KAT2B: variants seen among roughly 807,000 people sequenced by gnomAD.
The protein encoded by KAT2B is histone acetyltransferase KAT2B.
Under a neutral mutation model 105.9 loss-of-function variants are expected in KAT2B, and 36 were observed. The observed-to-expected ratio is 0.34, with a 90% CI of 0.26 to 0.45. The LOEUF is 0.45. KAT2B is among the 20% of genes least tolerant of loss of function. The pLI is 1.00. For synonymous variants in KAT2B, 397 were observed against 377.9 expected (o/e 1.05, Z -0.59); for missense variants, 820 against 1,021.6 (o/e 0.80, Z 2.69).
At chr3:20,046,014 A>G (rs1282611624) in intron 1 of KAT2B, among the ~76,000 whole-genome samples, 1 of 152,236 alleles carries the variant, frequency 6.6e-6, no homozygotes, top group Non-Finnish European at 1.5e-5. Context: ...GGCACAGGTC[A>G]CTTAGTTTTT....
intron 6 of KAT2B, among the ~76,000 whole-genome samples, chr3:20,112,728 A>C (rs1319765141): frequency 6.6e-6 from 1 of 152,226 alleles, no homozygotes; most frequent in Non-Finnish European, 1.5e-5. Flanking sequence ...GCTGATGTAG[A>C]GAATAGAATT....
intron 1 of KAT2B, among the ~76,000 whole-genome samples, chr3:20,056,259 A>G (rs963238778): frequency 6.6e-6 from 1 of 152,200 alleles, no homozygotes; most frequent in Non-Finnish European, 1.5e-5. Context: ...GGTAGAGGCA[A>G]CAGGACTTAA....
At chr3:20,131,873 C>T (rs557516137) in intron 11 of KAT2B, among the ~76,000 whole-genome samples, 2 of 152,120 alleles carry the variant, frequency 1.3e-5, no homozygotes, top group African/African-American at 2.4e-5. Context: ...CATAAACAGA[C>T]GTTTTAAGTA....
In KAT2B at chr3:20,066,301, G is replaced by C. The variant is rs376331395; in HGVS notation, c.304-6032G>C. ...GAAAACGCCAGTCATTGGTTTTAGG[G>C]CTTAGGATAATTTCATCTGCATGTC... is the stretch of plus-strand genomic sequence containing the variant. On this transcript the variant is annotated intron_variant, in intron 1 of 17. Transcript: ENST00000263754. Among the ~76,000 whole-genome samples the C allele has an allele frequency of 3.4e-4, 52 of 152,208 alleles. No individual in the cohort carries two copies. The South Asian group carries it at 1.0e-2, about 29-fold the overall frequency.
chr3:20,104,363 C>G (rs61138004), intron 5 of KAT2B, among the ~76,000 whole-genome samples: 23,454 of 152,084 alleles, frequency 0.15, 2,187 homozygotes, highest in Middle Eastern at 0.22. Context: ...CACCAACCTC[C>G]CCCACGTCCC....
chr3:20,040,637 C>G lies in KAT2B; in HGVS notation c.160C>G (p.Pro54Ala), dbSNP rs1221366763. The G allele has an allele frequency of 7.1e-7, 1 of 1,400,382 alleles. No individual in the cohort carries two copies. 86.7% of individuals were successfully genotyped at this position (1,400,382 alleles called of 1,614,324 possible). ...CGCCGGGGGCTCGGGCGCCTGCGGTCCGGCGACGGCAGTGGCTGCAGCGGG... is the reference window on the plus strand; with the variant it reads ...CGCCGGGGGCTCGGGCGCCTGCGGTGCGGCGACGGCAGTGGCTGCAGCGGG... The part of the protein sequence containing the change: ...AAAGGSGACG[P>A]ATAVAAAGTA... Residue 54 changes from proline (P) to alanine (A), a missense_variant, in exon 1 of 18, where the codon CCG (proline) becomes GCG (alanine). Physicochemically the swap from Pro to Ala is conservative, Grantham distance 27 (BLOSUM62 -1). This residue lies in a region of KAT2B where 190 missense variants were observed against 176.7 expected (regional missense o/e 1.08). Coordinates refer to ENST00000263754, the MANE Select transcript of KAT2B (RefSeq NM_003884.5).
At chr3:20,099,793 AGAGAG>A in intron 3 of KAT2B, 64 bp from the exon 4 acceptor site, 1 of 752,122 alleles carries the variant, frequency 1.3e-6, no homozygotes, top group Non-Finnish European at 2.3e-6. Context: ...GAAACAGAAG[AGAGAG>A]GAGAGAGAGA....
chr3:20,051,821 T>A (rs1286519076), intron 1 of KAT2B, among the ~76,000 whole-genome samples: 1 of 152,240 alleles, frequency 6.6e-6, no homozygotes, highest in East Asian at 1.9e-4. Flanking sequence ...TAAATTAGTC[T>A]TTTCCGTAAT....
chr3:20,040,481 T>G lies in KAT2B; in HGVS notation c.4T>G (p.Ser2Ala). Reference sequence around the variant, plus strand: ...TCCTGCCGTGCTCCGGGGCGGCATGTCCGAGGCTGGCGGGGCCGGGCCGGG... The same window carrying G: ...TCCTGCCGTGCTCCGGGGCGGCATGGCCGAGGCTGGCGGGGCCGGGCCGGG... M[S>A]EAGGAGPGGC... Residue 2 changes from serine to alanine, a missense_variant, in exon 1 of 18, where the codon TCC becomes GCC. Physicochemically the swap from Ser to Ala is moderately conservative, Grantham distance 99. Around this residue, in one of 6 missense-constraint regions of KAT2B, gnomAD observed 190 missense variants for 176.7 expected, o/e 1.08. Transcript: ENST00000263754. 1 of 1,052,682 alleles carries G rather than the reference T, an allele frequency of 9.5e-7. No homozygotes were observed. The highest frequency in any genetic ancestry group is 1.1e-6 in the Non-Finnish European group (1 of 875,522). The allele number at this position is 1,052,682 out of a possible 1,614,324, so 65.2% of individuals were successfully genotyped here.
At chr3:20,098,512 C>A (rs1301143284) in intron 3 of KAT2B, among the ~76,000 whole-genome samples, 2 of 152,138 alleles carry the variant, frequency 1.3e-5, no homozygotes, top group Non-Finnish European at 2.9e-5. Flanking sequence ...CAAATGCCTG[C>A]TGCTATTAAG....
At chr3:20,099,576 A>G (rs1698872551) in intron 3 of KAT2B, among the ~76,000 whole-genome samples, 1 of 152,178 alleles carries the variant, frequency 6.6e-6, no homozygotes. Flanking sequence ...TTGGACCAGC[A>G]TGGGTGGCCT....
Position 20,063,534 on chromosome 3 carries a change from C to CTTTTT in KAT2B, c.304-8773_304-8769dup, listed in dbSNP as rs36058009. ...CTCACAGCAACTTCTGAGTAGGCCT[C>CTTTTT]TTTTTTTTTTTTTTTTTTTTTTTTT... On this transcript the variant is annotated intron_variant, in intron 1 of 17. Coordinates refer to ENST00000263754, the MANE Select transcript of KAT2B (RefSeq NM_003884.5). Among the ~76,000 whole-genome samples, 80 of 88,838 alleles carry CTTTTT rather than the reference C, an allele frequency of 9.0e-4. 12 individuals are homozygous for CTTTTT. Among genetic ancestry groups the CTTTTT allele is most frequent in the Non-Finnish European group, 1.4e-3 (65 of 45,370 alleles). The allele number at this position is 88,838 out of a possible 152,430, so 58.3% of individuals were successfully genotyped here. A position where few individuals can be genotyped will look rare whatever the true frequency, so the allele number is the denominator to read the frequency against.
chr3:20,107,274 G>A lies in KAT2B; in HGVS notation c.852-4322G>A, dbSNP rs1250363146. On this transcript the variant is annotated intron_variant, in intron 5 of 17. Coordinates refer to ENST00000263754, the MANE Select transcript of KAT2B (RefSeq NM_003884.5). Reference sequence around the variant, plus strand: ...TCGAACTCCTGACCTTAAGTAATCTGCCCTCCTCGGCCTCCCAAAGTGCTG... The same window carrying A: ...TCGAACTCCTGACCTTAAGTAATCTACCCTCCTCGGCCTCCCAAAGTGCTG... Among the ~76,000 whole-genome samples the A allele has an allele frequency of 2.0e-5, 3 of 148,836 alleles. No individual in the cohort carries two copies. In the East Asian group the frequency reaches 6.2e-4, roughly 31 times the overall value.
At chr3:20,083,931 A>C (rs550793965) in intron 2 of KAT2B, among the ~76,000 whole-genome samples, 89 of 152,040 alleles carry the variant, frequency 5.9e-4, no homozygotes, top group Non-Finnish European at 1.1e-3. Context: ...TGGGATAGGG[A>C]GGATGGAAGG....
At chr3:20,092,094 T>G (rs1002060847) in intron 2 of KAT2B, among the ~76,000 whole-genome samples, 2 of 152,198 alleles carry the variant, frequency 1.3e-5, no homozygotes, top group South Asian at 4.1e-4. Flanking sequence ...CCATTTTCTT[T>G]AAAGTATAGT....
At chr3:20,095,921 A>C (rs894923564) in intron 3 of KAT2B, among the ~76,000 whole-genome samples, 1 of 152,192 alleles carries the variant, frequency 6.6e-6, no homozygotes, top group African/African-American at 2.4e-5. Flanking sequence ...GTCAGTTAGG[A>C]TAGCCTCTCT....
intron 3 of KAT2B, among the ~76,000 whole-genome samples, chr3:20,099,222 C>A (rs1451396318): frequency 6.6e-6 from 1 of 152,150 alleles, no homozygotes; most frequent in Non-Finnish European, 1.5e-5. Flanking sequence ...GATGCCAGAA[C>A]AGTTGGCCTG....
At chr3:20,071,020 A>C (rs1426859740) in intron 1 of KAT2B, among the ~76,000 whole-genome samples, 3 of 151,852 alleles carry the variant, frequency 2.0e-5, no homozygotes, top group African/African-American at 7.3e-5. Context: ...AAAAAAAAAA[A>C]AACCAAAAAG....
At chr3:20,071,415 G>T (rs1321416486) in intron 1 of KAT2B, among the ~76,000 whole-genome samples, 1 of 152,228 alleles carries the variant, frequency 6.6e-6, no homozygotes, top group Non-Finnish European at 1.5e-5. Context: ...AGAGTGCTAA[G>T]AATAGTAGAG....
Sources: allele counts gnomAD v4.1 joint callset (sites outside exome capture counted in the v4.1 genomes callset), GRCh38; gene constraint gnomAD v4.1.1; regional missense constraint gnomAD v4.1.1; transcripts MANE v1.5; gene names NCBI Gene and HGNC (gene_info 2026-07-23, HGNC 2026-07-21).